STK3: variants seen among roughly 807,000 people sequenced by gnomAD.
The protein encoded by STK3 is serine/threonine kinase 3.
STK3 carries 41 observed loss-of-function variants against 58.0 expected under a neutral mutation model. The ratio of observed to expected loss-of-function variants is 0.71; its 90% CI spans 0.55 to 0.92. The LOEUF is 0.92. Among genes scored for constraint, STK3 ranks in the 40% least tolerant of loss-of-function variants. The pLI, the probability that STK3 is intolerant of heterozygous loss-of-function variation, is 0.00. For missense variants in STK3, 479 were observed against 602.7 expected (o/e 0.79, Z 2.15); for synonymous variants, 170 against 191.0 (o/e 0.89, Z 0.91).
chr8:98,501,127 T>C (rs946322842), intron 10 of STK3, among the ~76,000 whole-genome samples: 6 of 152,172 alleles, frequency 3.9e-5, no homozygotes, highest in Admixed American at 2.0e-4. Context: ...TGGTATCTCA[T>C]TGTGGCTTTG....
In STK3 at chr8:98,647,775, G is replaced by A. The variant is rs539797305; in HGVS notation, c.685-51606C>T. Among the ~76,000 whole-genome samples, 3 of 152,288 alleles carry A rather than the reference G, an allele frequency of 2.0e-5. No homozygotes were observed. The South Asian group carries it at 6.2e-4, about 32-fold the overall frequency. On this transcript the variant is annotated intron_variant, in intron 6 of 10. Coordinates refer to ENST00000419617, the MANE Select transcript of STK3 (RefSeq NM_006281.4). ...TCCCACCTAGGCCTCCTGAGTAGCT[G>A]GGATTGTAGGCATGAGCCATTGCAC...
At chr8:98,659,064 T>C (rs1821767274) in intron 6 of STK3, among the ~76,000 whole-genome samples, 1 of 152,032 alleles carries the variant, frequency 6.6e-6, no homozygotes, top group Non-Finnish European at 1.5e-5. Context: ...CTATACCATA[T>C]ACCCTAGGTG....
At chr8:98,553,165 T>C (rs893994695) in intron 8 of STK3, among the ~76,000 whole-genome samples, 1 of 152,006 alleles carries the variant, frequency 6.6e-6, no homozygotes, top group Non-Finnish European at 1.5e-5. Flanking sequence ...ACAGATACAT[T>C]TGGGTGGAGT....
At chr8:98,694,689 T>C (rs1824715409) in intron 6 of STK3, among the ~76,000 whole-genome samples, 2 of 152,236 alleles carry the variant, frequency 1.3e-5, no homozygotes, top group African/African-American at 4.8e-5. Flanking sequence ...CTCATCATTT[T>C]TTATGGCTGC....
At chr8:98,701,950 C>T (rs1825658029) in intron 6 of STK3, among the ~76,000 whole-genome samples, 1 of 152,096 alleles carries the variant, frequency 6.6e-6, no homozygotes, top group African/African-American at 2.4e-5. Flanking sequence ...AATCTCATAG[C>T]TGAATATAAA....
intron 4 of STK3, among the ~76,000 whole-genome samples, chr8:98,746,173 T>C (rs1040966420): frequency 1.3e-5 from 2 of 152,238 alleles, no homozygotes; most frequent in African/African-American, 4.8e-5. Context: ...TGATCCAGGA[T>C]TGCTAGTTCT....
chr8:98,864,099 T>C (rs913776668), intron 3 of STK3, among the ~76,000 whole-genome samples: 9 of 146,686 alleles, frequency 6.1e-5, no homozygotes, highest in Non-Finnish European at 3.0e-5. Context: ...CTCCGGAGGC[T>C]GAGGCAGGAG....
chr8:98,556,692 A>C (rs1811614321), intron 8 of STK3, among the ~76,000 whole-genome samples: 1 of 152,074 alleles, frequency 6.6e-6, no homozygotes, highest in Admixed American at 6.6e-5. Context: ...TTGGGAACTA[A>C]AAGATGATTT....
At chr8:98,877,190 G>C (rs573601099) in intron 3 of STK3, among the ~76,000 whole-genome samples, 1 of 152,254 alleles carries the variant, frequency 6.6e-6, no homozygotes, top group East Asian at 1.9e-4. Context: ...GTTTATCTAG[G>C]CTATGTAATG....
intron 1 of STK3, among the ~76,000 whole-genome samples, chr8:98,777,627 G>A (rs1745075638): frequency 6.6e-6 from 1 of 152,174 alleles, no homozygotes; most frequent in South Asian, 2.1e-4. Context: ...ATGGTGTGAT[G>A]GGCTTATTTT....
intron 6 of STK3, among the ~76,000 whole-genome samples, chr8:98,626,378 T>C (rs1818717358): frequency 6.6e-6 from 1 of 152,232 alleles, no homozygotes; most frequent in Non-Finnish European, 1.5e-5. Context: ...ATGCCAAATC[T>C]AACCAGTCTC....
intron 4 of STK3, among the ~76,000 whole-genome samples, chr8:98,712,297 G>A (rs1826534537): frequency 1.3e-5 from 2 of 152,106 alleles, no homozygotes; most frequent in African/African-American, 4.8e-5. Flanking sequence ...AACCTTAAAC[G>A]TAAATGGACT....
chr8:98,664,466 T>C (rs1479780649), intron 6 of STK3, among the ~76,000 whole-genome samples: 1 of 152,208 alleles, frequency 6.6e-6, no homozygotes, highest in African/African-American at 2.4e-5. Context: ...TTGAAAATAC[T>C]TCATAAATAC....
intron 1 of STK3, among the ~76,000 whole-genome samples, chr8:98,919,549 A>G (rs1839476216): frequency 6.6e-6 from 1 of 152,174 alleles, no homozygotes. Flanking sequence ...ATGTTGTGAT[A>G]GGGAGTAAGT....
chr8:98,369,250 G>C (rs1817589981), downstream of STK3, among the ~76,000 whole-genome samples: 1 of 152,186 alleles, frequency 6.6e-6, no homozygotes, highest in Admixed American at 6.5e-5. Context: ...TGAAGGGGAA[G>C]GTATTTGGGA....
intron 2 of STK3, among the ~76,000 whole-genome samples, chr8:98,769,130 T>C (rs141553870): frequency 6.6e-6 from 1 of 152,220 alleles, no homozygotes; most frequent in African/African-American, 2.4e-5. Context: ...GTACATACAG[T>C]AGCTTATCTT....
intron 1 of STK3, among the ~76,000 whole-genome samples, chr8:98,820,008 G>A (rs1170581763): frequency 6.6e-6 from 1 of 152,020 alleles, no homozygotes. Flanking sequence ...AGTTGATGTG[G>A]GCTCTTCATG....
chr8:98,358,317 TCA>T, the STK3 span, among the ~76,000 whole-genome samples: 11 of 151,976 alleles, frequency 7.2e-5, no homozygotes, highest in African/African-American at 2.7e-4. Context: ...GCAGGTCCAA[TCA>T]CACGCCCGTT....
chr8:98,721,652 A>G (rs1443264041), intron 4 of STK3, among the ~76,000 whole-genome samples: 2 of 151,852 alleles, frequency 1.3e-5, no homozygotes, highest in Non-Finnish European at 2.9e-5. Flanking sequence ...AGAAATGAAT[A>G]TAAAATTCAC....
Sources: gnomAD v4.1 joint callset for allele counts (sites outside exome capture counted in the v4.1 genomes callset) on GRCh38, gnomAD v4.1.1 for gene constraint, MANE v1.5 for transcripts, NCBI Gene and HGNC (gene_info 2026-07-23, HGNC 2026-07-21) for gene names.